Variants in PCGF6 observed in about 807,000 individuals in gnomAD.
The protein encoded by PCGF6 is polycomb group RING finger protein 6.
Under a neutral mutation model 45.5 loss-of-function variants are expected in PCGF6, and 24 were observed. That is an observed-to-expected ratio of 0.53 (90% CI 0.38 to 0.74). The LOEUF (loss-of-function observed/expected upper bound fraction) is 0.74, where lower values mean the gene tolerates loss of function less well. PCGF6 is among the 30% of genes least tolerant of loss of function. The probability of loss-of-function intolerance (pLI) is 0.00; values close to 1 mark genes in which losing one functional copy is unlikely to be tolerated. For missense variants in PCGF6, 356 were observed against 443.2 expected, an observed-to-expected ratio of 0.80 and a Z score of 1.77; for synonymous variants, 152 against 162.1, an observed-to-expected ratio of 0.94 and a Z score of 0.47.
rs1290861228 is a variant in PCGF6 at position 103,337,923 on chromosome 10, G to A, written c.783-3971C>T. Among the ~76,000 whole-genome samples, 2 of 110,696 alleles carry A rather than the reference G, an allele frequency of 1.8e-5. 1 individual carries two copies. The highest frequency in any genetic ancestry group is 3.9e-5 in the Non-Finnish European group (2 of 51,418). 72.6% of individuals were successfully genotyped at this position (110,696 alleles called of 152,430 possible). A position where few individuals can be genotyped will look rare whatever the true frequency, so the allele number is the denominator to read the frequency against. On this transcript the variant is annotated intron_variant, in intron 6 of 9. Transcript: ENST00000369847. ...ACTAAAAATACAAAAAATTAGCCGG[G>A]CGTAGTGGTGGGCGCCTGTAGTCCC...
rs762679800 is a variant in PCGF6, at chr10:103,351,097, G to GGCGGGAGAGC, written c.-41_-32dup. 4 of 1,344,908 alleles carry GGCGGGAGAGC rather than the reference G, an allele frequency of 3.0e-6. No individual in the cohort carries two copies. The highest frequency in any genetic ancestry group is 3.8e-6 in the Non-Finnish European group (4 of 1,048,100). The allele number at this position is 1,344,908 out of a possible 1,614,324, so 83.3% of individuals were successfully genotyped here. ...GGAGAGACACCAGGCGAGGCGAGGCGGCGGGAGAGCGCGGGAGTTCGGCCG... is the reference window on the plus strand; with the variant it reads ...GGAGAGACACCAGGCGAGGCGAGGCGGCGGGAGAGCGCGGGAGAGCGCGGGAGTTCGGCCG... On this transcript the variant is annotated 5_prime_UTR_variant, in exon 1 of 10. Transcript: ENST00000369847.
At chr10:103,315,824 C>A (rs1460974670) in intron 8 of PCGF6, among the ~76,000 whole-genome samples, 1 of 152,046 alleles carries the variant, frequency 6.6e-6, no homozygotes. Flanking sequence ...ATATAGAATT[C>A]TCTAGAGAGA....
chr10:103,305,917 A>AAC (rs1339461952), intron 9 of PCGF6, among the ~76,000 whole-genome samples: 1 of 151,844 alleles, frequency 6.6e-6, no homozygotes, highest in Non-Finnish European at 1.5e-5. Flanking sequence ...AAAAAGGAAA[A>AAC]AGAATTTTTT....
At chr10:103,333,385 C>T (rs1420200347) in intron 7 of PCGF6, among the ~76,000 whole-genome samples, 1 of 151,966 alleles carries the variant, frequency 6.6e-6, no homozygotes, top group Non-Finnish European at 1.5e-5. Context: ...TATTTACCTC[C>T]CAAGAAACTA....
chr10:103,302,986 T>C lies in PCGF6; in HGVS notation c.*919A>G, dbSNP rs2093124545. The C allele has an allele frequency of 6.6e-6, 1 of 152,604 alleles. No individual in the cohort carries two copies. The highest frequency in any genetic ancestry group is 1.5e-5 in the Non-Finnish European group (1 of 68,044). 9.5% of individuals were successfully genotyped at this position (152,604 alleles called of 1,614,324 possible). On this transcript the variant is annotated 3_prime_UTR_variant, in exon 10 of 10. Coordinates refer to ENST00000369847, the MANE Select transcript of PCGF6 (RefSeq NM_001011663.2). ...CAATGCTAATTTTAGGCAAATAATG[T>C]TTTAAAACTGAAGTCTTTGCATGGA...
In PCGF6 at chr10:103,351,076, A is replaced by T. The variant is rs755440858; in HGVS notation, c.-10T>A. On this transcript the variant is annotated 5_prime_UTR_variant, in exon 1 of 10. Coordinates refer to ENST00000369847, the MANE Select transcript of PCGF6 (RefSeq NM_001011663.2). ...CCGCGACCCCCTCCATGGTCGGGAGAGACACCAGGCGAGGCGAGGCGGCGG... is the reference window on the plus strand; with the variant it reads ...CCGCGACCCCCTCCATGGTCGGGAGTGACACCAGGCGAGGCGAGGCGGCGG... 1.5e-6 allele frequency: 2 copies of T among 1,370,726 alleles called. No homozygotes were observed. The highest frequency in any genetic ancestry group is 3.9e-5 in the South Asian group (2 of 51,772). The allele number at this position is 1,370,726 out of a possible 1,614,324, so 84.9% of individuals were successfully genotyped here. A position where few individuals can be genotyped will look rare whatever the true frequency, so the allele number is the denominator to read the frequency against.
At chr10:103,349,292 C>T (rs757321089) in intron 1 of PCGF6, among the ~76,000 whole-genome samples, 28 of 151,912 alleles carry the variant, frequency 1.8e-4, no homozygotes, top group Admixed American at 9.2e-4. Flanking sequence ...AGGTGATCCA[C>T]CCGCCAAGGC....
At chr10:103,308,891 A>C (rs1189726332) in intron 9 of PCGF6, among the ~76,000 whole-genome samples, 2 of 151,936 alleles carry the variant, frequency 1.3e-5, no homozygotes, top group African/African-American at 4.8e-5. Flanking sequence ...TAAATAAATA[A>C]ATAAAAATAA....
At chr10:103,315,953 G>A (rs1335299341) in intron 8 of PCGF6, among the ~76,000 whole-genome samples, 1 of 151,076 alleles carries the variant, frequency 6.6e-6, no homozygotes, top group Non-Finnish European at 1.5e-5. Context: ...TGGGGTTAGA[G>A]CCTCAACAGC....
chr10:103,340,007 C>CAA (rs60211186), intron 6 of PCGF6, among the ~76,000 whole-genome samples: 25,677 of 60,010 alleles, frequency 0.43, 4,728 homozygotes, highest in South Asian at 0.56. Context: ...ACTAAAAATA[C>CAA]AAAAAAAAAA....
At chr10:103,349,173 G>A (rs1395549564) in intron 1 of PCGF6, among the ~76,000 whole-genome samples, 174 bp from the exon 2 acceptor site, 7 of 151,616 alleles carry the variant, frequency 4.6e-5, no homozygotes, top group South Asian at 2.1e-4. Flanking sequence ...TCAGCCTCCC[G>A]AGTAGCTGGG....
intron 7 of PCGF6, among the ~76,000 whole-genome samples, chr10:103,330,038 G>C (rs1165791446): frequency 6.6e-6 from 1 of 151,708 alleles, no homozygotes. Context: ...AAAGTGCTGG[G>C]ATTACAGGTG....
intron 8 of PCGF6, among the ~76,000 whole-genome samples, chr10:103,323,564 G>T (rs563030334): frequency 6.6e-6 from 1 of 151,216 alleles, no homozygotes; most frequent in Non-Finnish European, 1.5e-5. Flanking sequence ...CAAAGTGTTG[G>T]GATTACAGGT....
At chr10:103,325,351 T>TC (rs1307691808) in intron 8 of PCGF6, among the ~76,000 whole-genome samples, 1 of 151,880 alleles carries the variant, frequency 6.6e-6, no homozygotes, top group East Asian at 1.9e-4. Context: ...CCTGCCAGGT[T>TC]CAAGCAATTC....
At chr10:103,339,313 A>G (rs575203749) in intron 6 of PCGF6, among the ~76,000 whole-genome samples, 14 of 152,112 alleles carry the variant, frequency 9.2e-5, no homozygotes, top group African/African-American at 3.1e-4. Flanking sequence ...TTGCTTGAGT[A>G]TAGGAGGCAG....
chr10:103,324,813 A>G (rs952693188), intron 8 of PCGF6, among the ~76,000 whole-genome samples: 10 of 148,988 alleles, frequency 6.7e-5, no homozygotes, highest in Non-Finnish European at 1.5e-4. Context: ...TAGCTAGAAC[A>G]GGAGATCTCT....
At position 103,350,763 on chromosome 10, in the gene PCGF6, T is replaced by A. The variant is rs771314642; in HGVS notation, c.304A>T (p.Ser102Cys). ...EEEEEEEEDM[S>C]HFSLRLEGGR... The stretch of plus-strand genomic sequence containing the variant: ...CCCTCCAGCCTCAACGAGAAGTGAC[T>A]CATGTCCTCCTCCTCCTCCTCTTCT... Residue 102 changes from serine (S) to cysteine (C), a missense_variant, in exon 1 of 10, where the codon AGT (serine) becomes TGT (cysteine). Coordinates refer to ENST00000369847, the MANE Select transcript of PCGF6 (RefSeq NM_001011663.2). 1 of 1,565,260 alleles carries A rather than the reference T, an allele frequency of 6.4e-7. No homozygotes were observed. The highest frequency in any genetic ancestry group is 2.4e-5 in the East Asian group (1 of 41,770).
intron 9 of PCGF6, among the ~76,000 whole-genome samples, 169 bp downstream of exon 9, chr10:103,314,017 G>A (rs1376575711): frequency 6.6e-6 from 1 of 152,028 alleles, no homozygotes; most frequent in Non-Finnish European, 1.5e-5. Context: ...AAATTACTTA[G>A]AACAGTACCT....
rs867367505 is a variant in PCGF6 at position 103,304,022 on chromosome 10, C to A, written c.997-61G>T. The A allele has an allele frequency of 1.8e-4, 241 of 1,372,532 alleles. 3 individuals are homozygous for A. Among genetic ancestry groups the A allele is most frequent in the South Asian group, 1.7e-3 (144 of 83,020 alleles). 85.0% of individuals were successfully genotyped at this position (1,372,532 alleles called of 1,614,324 possible). On this transcript the variant is annotated intron_variant, in intron 9 of 9. Coordinates refer to ENST00000369847, the MANE Select transcript of PCGF6 (RefSeq NM_001011663.2). ...CTTTCAAACCAGTAATGCAAATGAT[C>A]AAGTCAAAGCTGGCTTACTTTTTTT...
Sources: allele counts gnomAD v4.1 joint callset (sites outside exome capture counted in the v4.1 genomes callset), GRCh38; gene constraint gnomAD v4.1.1; transcripts MANE v1.5; gene names NCBI Gene and HGNC (gene_info 2026-07-23, HGNC 2026-07-21).